Variants in SCHIP1 observed in about 807,000 individuals in gnomAD.
SCHIP1 encodes schwannomin-interacting protein 1.
SCHIP1 carries 8 observed loss-of-function variants against 29.7 expected under a neutral mutation model. That is an observed-to-expected ratio of 0.27 (90% CI 0.16 to 0.49). The LOEUF is 0.49. Among genes scored for constraint, SCHIP1 ranks in the 20% least tolerant of loss-of-function variants. The probability of loss-of-function intolerance (pLI) is 0.99; values close to 1 mark genes in which losing one functional copy is unlikely to be tolerated. For missense variants in SCHIP1, 193 were observed against 294.6 expected, an observed-to-expected ratio of 0.66 and a Z score of 2.52; for synonymous variants, 76 against 94.9, an observed-to-expected ratio of 0.80 and a Z score of 1.16.
chr3:159,663,072 A>C, the SCHIP1 span, among the ~76,000 whole-genome samples: 2 of 152,138 alleles, frequency 1.3e-5, no homozygotes, highest in South Asian at 4.1e-4. Flanking sequence ...GATCTCTTGG[A>C]AGGTTGGAAT....
At chr3:159,450,607 G>A in the SCHIP1 span, among the ~76,000 whole-genome samples, 2 of 152,052 alleles carry the variant, frequency 1.3e-5, no homozygotes, top group Admixed American at 1.3e-4. Context: ...TGCCCCCAAA[G>A]CTTCTTCAAA....
chr3:159,709,795 G>A, the SCHIP1 span, among the ~76,000 whole-genome samples: 1 of 152,192 alleles, frequency 6.6e-6, no homozygotes, highest in South Asian at 2.1e-4. Context: ...ATAATCAAAG[G>A]AATAGAGCAG....
the SCHIP1 span, among the ~76,000 whole-genome samples, chr3:159,781,758 G>A: frequency 6.6e-6 from 1 of 152,072 alleles, no homozygotes; most frequent in Admixed American, 6.5e-5. Context: ...GGGTGACAAT[G>A]GTGCAAGAAG....
chr3:159,536,834 A>G, the SCHIP1 span, among the ~76,000 whole-genome samples: 1 of 152,194 alleles, frequency 6.6e-6, no homozygotes, highest in Non-Finnish European at 1.5e-5. Flanking sequence ...TATCAAAAAC[A>G]AAGGTGATAA....
At chr3:159,665,546 T>TTGTATGTGTGTG in the SCHIP1 span, among the ~76,000 whole-genome samples, 2 of 147,460 alleles carry the variant, frequency 1.4e-5, no homozygotes, top group African/African-American at 5.0e-5. Context: ...GTTTTTGGGG[T>TTGTATGTGTGTG]TGTGTGTGTG....
chr3:159,498,268 C>T, the SCHIP1 span, among the ~76,000 whole-genome samples: 1 of 152,170 alleles, frequency 6.6e-6, no homozygotes, highest in Non-Finnish European at 1.5e-5. Flanking sequence ...GGGAAGTAAA[C>T]TCATTTCTAT....
At chr3:159,676,130 CA>C in the SCHIP1 span, among the ~76,000 whole-genome samples, 3 of 151,438 alleles carry the variant, frequency 2.0e-5, no homozygotes, top group South Asian at 2.1e-4. Flanking sequence ...GACTCCATCT[CA>C]AAAAAAAATT....
the SCHIP1 span, among the ~76,000 whole-genome samples, chr3:159,382,651 T>G: frequency 6.6e-6 from 1 of 151,558 alleles, no homozygotes; most frequent in African/African-American, 2.4e-5. Flanking sequence ...CAAATGGTAT[T>G]TCTAGTTCTA....
chr3:159,764,816 C>G, the SCHIP1 span: 3 of 1,585,006 alleles, frequency 1.9e-6, no homozygotes, highest in East Asian at 7.1e-5. The surrounding 1 kb of genome is among the most constrained non-coding windows in gnomAD (Gnocchi z 6.1). Context: ...ATGCCGCCCC[C>G]GGTGCCCAAC....
the SCHIP1 span, among the ~76,000 whole-genome samples, chr3:159,709,626 G>T: frequency 6.6e-6 from 1 of 152,144 alleles, no homozygotes; most frequent in South Asian, 2.1e-4. Context: ...TCTGCTGAAA[G>T]TTTCTCACTC....
At chr3:159,704,417 TAAAAAAAAAAA>T in the SCHIP1 span, among the ~76,000 whole-genome samples, 5 of 92,642 alleles carry the variant, frequency 5.4e-5, no homozygotes, top group Admixed American at 5.1e-4. Flanking sequence ...CAATTTTTTC[TAAAAAAAAAAA>T]AAAAAAAAAA....
chr3:159,786,345 T>C, the SCHIP1 span, among the ~76,000 whole-genome samples: 1 of 152,348 alleles, frequency 6.6e-6, no homozygotes, highest in East Asian at 1.9e-4. Context: ...GTGATGGTCA[T>C]CTGGACATCA....
At chr3:159,421,768 A>G in the SCHIP1 span, among the ~76,000 whole-genome samples, 4 of 152,142 alleles carry the variant, frequency 2.6e-5, no homozygotes, top group African/African-American at 7.2e-5. Context: ...ATCAAATTGG[A>G]TACATCAGTT....
chr3:159,820,538 A>C, the SCHIP1 span, among the ~76,000 whole-genome samples: 2 of 152,202 alleles, frequency 1.3e-5, no homozygotes, highest in Non-Finnish European at 2.9e-5. Context: ...TTTAACTTTC[A>C]GTCTGTCTGA....
the SCHIP1 span, among the ~76,000 whole-genome samples, chr3:159,732,589 G>A: frequency 3.9e-5 from 6 of 152,234 alleles, no homozygotes; most frequent in African/African-American, 1.2e-4. Context: ...CAGTAATGCA[G>A]CCAGTGAGGA....
chr3:159,772,823 C>T, the SCHIP1 span, among the ~76,000 whole-genome samples: 1 of 152,166 alleles, frequency 6.6e-6, no homozygotes, highest in African/African-American at 2.4e-5. Flanking sequence ...TCACTGCAAA[C>T]TCCGCCTCCC....
chr3:159,530,281 T>C, the SCHIP1 span, among the ~76,000 whole-genome samples: 3 of 152,144 alleles, frequency 2.0e-5, no homozygotes, highest in African/African-American at 7.2e-5. Flanking sequence ...AGTCATCTGA[T>C]GACCCAGTAT....
At chr3:159,596,209 C>G in the SCHIP1 span, among the ~76,000 whole-genome samples, 3 of 152,216 alleles carry the variant, frequency 2.0e-5, no homozygotes, top group Non-Finnish European at 4.4e-5. Flanking sequence ...TGCTCACCAT[C>G]ACTGGCCATC....
chr3:159,498,411 A>C, the SCHIP1 span, among the ~76,000 whole-genome samples: 15 of 152,240 alleles, frequency 9.9e-5, no homozygotes, highest in Non-Finnish European at 1.8e-4. Context: ...AGAAAAGGTT[A>C]GGCAGATTAA....
Sources: gnomAD v4.1 joint callset for allele counts (sites outside exome capture counted in the v4.1 genomes callset) on GRCh38, gnomAD v4.1.1 for gene constraint, Gnocchi (gnomAD v3.1) non-coding constraint, MANE v1.5 for transcripts, NCBI Gene and HGNC (gene_info 2026-07-23, HGNC 2026-07-21) for gene names.